The following LMCD1 variants were observed in gnomAD, a reference collection of about 807,000 sequenced individuals.
LMCD1 encodes LIM and cysteine-rich domains protein 1.
Under a neutral mutation model 42.7 loss-of-function variants are expected in LMCD1, and 32 were observed. The observed-to-expected ratio is 0.75, with a 90% CI of 0.57 to 1.01. The LOEUF (loss-of-function observed/expected upper bound fraction) is 1.01, where lower values mean the gene tolerates loss of function less well. LMCD1 is among the 50% of genes least tolerant of loss of function. The pLI, the probability that LMCD1 is intolerant of heterozygous loss-of-function variation, is 0.00. For synonymous variants in LMCD1, 178 were observed against 184.9 expected (o/e 0.96, Z 0.30); for missense variants, 458 against 483.1 (o/e 0.95, Z 0.49).
At chr3:8,523,520 G>A (rs529979089) in intron 1 of LMCD1, among the ~76,000 whole-genome samples, 1 of 152,298 alleles carries the variant, frequency 6.6e-6, no homozygotes, top group East Asian at 1.9e-4. Context: ...CATAAAAGTG[G>A]GCTGCAAGTC....
intron 1 of LMCD1, among the ~76,000 whole-genome samples, chr3:8,515,370 C>T (rs1373440539): frequency 6.6e-6 from 1 of 152,194 alleles, no homozygotes; most frequent in Non-Finnish European, 1.5e-5. Flanking sequence ...CCACCCCTTC[C>T]TCAGTGCCCT....
At position 8,574,421 on chromosome 3, in the gene LMCD1, T is replaced by G. The variant is rs1695270916; in HGVS notation, c.*6823T>G. ...AGCAAAGCATGGAGAAGAAGCAATC[T>G]TGGAGAAGCTGGAAGAGAACTGACC... On this transcript the variant is annotated 3_prime_UTR_variant, in exon 6 of 6. Transcript: ENST00000157600. 6.6e-6 allele frequency: 1 copy of G among 152,304 alleles called. No homozygotes were observed. Among genetic ancestry groups the G allele is most frequent in the South Asian group, 2.1e-4 (1 of 4,814 alleles). The allele number at this position is 152,304 out of a possible 1,614,324, so 9.4% of individuals were successfully genotyped here.
At chr3:8,553,079 G>A (rs1197351105) in intron 4 of LMCD1, among the ~76,000 whole-genome samples, 1 of 152,150 alleles carries the variant, frequency 6.6e-6, no homozygotes, top group Admixed American at 6.5e-5. Flanking sequence ...TGTTCCTGGA[G>A]AGCTCTGGAA....
In LMCD1 at chr3:8,522,071, G is replaced by A. The variant is rs180918783; in HGVS notation, c.43-10666G>A. Among the ~76,000 whole-genome samples, 259 of 152,144 alleles carry A rather than the reference G, an allele frequency of 1.7e-3. 4 individuals carry two copies. Among genetic ancestry groups the A allele is most frequent in the East Asian group, 1.4e-3 (7 of 5,162 alleles). On this transcript the variant is annotated intron_variant, in intron 1 of 5. Transcript: ENST00000157600. ...CTTTCCTGGAACCAGTCTCAAATCAGTGAAGCTTGGCTAGCAGAGATGGGT... is the reference window on the plus strand; with the variant it reads ...CTTTCCTGGAACCAGTCTCAAATCAATGAAGCTTGGCTAGCAGAGATGGGT...
intron 3 of LMCD1, among the ~76,000 whole-genome samples, chr3:8,545,552 AT>A (rs1437966853): frequency 1.3e-5 from 2 of 152,078 alleles, no homozygotes; most frequent in Admixed American, 6.6e-5. Flanking sequence ...TATCTCACTA[AT>A]TTTTTTGTTT....
At chr3:8,549,664 T>G (rs66738975) in intron 4 of LMCD1, among the ~76,000 whole-genome samples, 16,034 of 152,242 alleles carry the variant, frequency 0.11, 1,019 homozygotes, top group South Asian at 0.21. Flanking sequence ...TTCTGTTACT[T>G]ATAGCAGAAT....
intron 1 of LMCD1, among the ~76,000 whole-genome samples, chr3:8,517,658 G>A (rs1289183950): frequency 6.6e-6 from 1 of 152,150 alleles, no homozygotes; most frequent in African/African-American, 2.4e-5. Context: ...TCCTTCTGAT[G>A]CTAAAACGCC....
At chr3:8,543,934 A>C (rs192674628) in intron 3 of LMCD1, among the ~76,000 whole-genome samples, 6 of 152,314 alleles carry the variant, frequency 3.9e-5, no homozygotes, top group Admixed American at 6.5e-5. Flanking sequence ...GTAATTTCAT[A>C]CTGATCAAGA....
chr3:8,529,863 G>A (rs1201480587), intron 1 of LMCD1, among the ~76,000 whole-genome samples: 1 of 152,154 alleles, frequency 6.6e-6, no homozygotes, highest in Non-Finnish European at 1.5e-5. Flanking sequence ...AACAAAGAAC[G>A]CTCAGTGCAT....
intron 1 of LMCD1, 84 bp from the exon 2 acceptor site, chr3:8,532,653 A>G: frequency 1.7e-6 from 2 of 1,159,800 alleles, no homozygotes; most frequent in Non-Finnish European, 2.6e-6. Flanking sequence ...TCCCTTTGCC[A>G]GCACGCCAAG....
Position 8,568,792 on chromosome 3 carries a change from G to A in LMCD1, c.*1194G>A, listed in dbSNP as rs1158178914. On this transcript the variant is annotated 3_prime_UTR_variant, in exon 6 of 6. Transcript: ENST00000157600. ...AGAAAAACATATTTTTCTACTGGGA[G>A]TATAAGGATGAAAAAGACACAAGTC... The A allele has an allele frequency of 6.6e-6, 1 of 152,174 alleles. No individual in the cohort carries two copies. The highest frequency in any genetic ancestry group is 2.1e-4 in the South Asian group (1 of 4,832). 9.4% of individuals were successfully genotyped at this position (152,174 alleles called of 1,614,324 possible). A position where few individuals can be genotyped will look rare whatever the true frequency, so the allele number is the denominator to read the frequency against.
At chr3:8,516,840 C>T (rs1397278396) in intron 1 of LMCD1, among the ~76,000 whole-genome samples, 1 of 152,210 alleles carries the variant, frequency 6.6e-6, no homozygotes, top group African/African-American at 2.4e-5. Context: ...TAGTCATCCT[C>T]TACTCCTCAG....
intron 3 of LMCD1, among the ~76,000 whole-genome samples, chr3:8,542,988 A>T (rs1694655963): frequency 6.6e-6 from 1 of 152,118 alleles, no homozygotes; most frequent in Non-Finnish European, 1.5e-5. Flanking sequence ...AGGAAGGGCA[A>T]TTACTCTCCC....
intron 3 of LMCD1, among the ~76,000 whole-genome samples, chr3:8,540,843 C>T (rs995044948): frequency 2.6e-4 from 39 of 152,168 alleles, no homozygotes; most frequent in African/African-American, 8.7e-4. Context: ...GACAGAGGCC[C>T]GTGAGGAGCC....
intron 4 of LMCD1, among the ~76,000 whole-genome samples, chr3:8,562,807 C>A (rs898758886): frequency 6.6e-6 from 1 of 152,160 alleles, no homozygotes; most frequent in Non-Finnish European, 1.5e-5. Flanking sequence ...CTCCAGTTTC[C>A]CTGAAGGCTC....
chr3:8,512,931 C>T (rs1559344974), intron 1 of LMCD1, among the ~76,000 whole-genome samples: 1 of 152,172 alleles, frequency 6.6e-6, no homozygotes. Flanking sequence ...TATGGCCTTT[C>T]AAGTTCAGAA....
chr3:8,521,480 G>A (rs962121330), intron 1 of LMCD1, among the ~76,000 whole-genome samples: 10 of 152,170 alleles, frequency 6.6e-5, no homozygotes, highest in South Asian at 2.1e-4. Flanking sequence ...AAAGGCTGTC[G>A]CCCATGCCAA....
At chr3:8,521,887 T>G (rs771154689) in intron 1 of LMCD1, among the ~76,000 whole-genome samples, 1 of 151,950 alleles carries the variant, frequency 6.6e-6, no homozygotes, top group Non-Finnish European at 1.5e-5. Context: ...TTCATTTTGG[T>G]TTTGGTTTTT....
rs1694021307 is a variant in LMCD1 at position 8,512,459 on chromosome 3, G to A, written c.42+10479G>A. Among the ~76,000 whole-genome samples the A allele has an allele frequency of 2.6e-5, 4 of 152,142 alleles. No homozygotes were observed. In the South Asian group the frequency reaches 8.3e-4, roughly 32 times the overall value. On this transcript the variant is annotated intron_variant, in intron 1 of 5. Coordinates refer to ENST00000157600, the MANE Select transcript of LMCD1 (RefSeq NM_014583.4). The stretch of plus-strand genomic sequence containing the variant: ...TTAAACAGAGAAAAATAAAATCCCA[G>A]ATGATTCCCTGGCAATTATCTGAAA...
Sources: gnomAD v4.1 joint callset for allele counts (sites outside exome capture counted in the v4.1 genomes callset) on GRCh38, gnomAD v4.1.1 for gene constraint, MANE v1.5 for transcripts, NCBI Gene and HGNC (gene_info 2026-07-23, HGNC 2026-07-21) for gene names.